The following EDC3 variants were observed in gnomAD, a reference collection of about 807,000 sequenced individuals.
The protein encoded by EDC3 is enhancer of mRNA-decapping protein 3.
In EDC3, 20 loss-of-function variants were observed where a neutral mutation model predicts 41.8. The observed-to-expected ratio is 0.48, with a 90% confidence interval of 0.34 to 0.70. The LOEUF (loss-of-function observed/expected upper bound fraction) is 0.70. Among genes scored for constraint, EDC3 ranks in the 30% least tolerant of loss-of-function variants. EDC3 has a pLI of 0.01. For synonymous variants in EDC3, 206 were observed against 243.2 expected (o/e 0.85, Z 1.42); for missense variants, 444 against 636.8 (o/e 0.70, Z 3.26).
At chr15:74,695,071 G>C (rs773347879) in intron 1 of EDC3, among the ~76,000 whole-genome samples, 8 of 152,108 alleles carry the variant, frequency 5.3e-5, no homozygotes, top group Admixed American at 6.5e-5. Context: ...TGAGACAGCA[G>C]ACTGAAATCG....
At chr15:74,672,272 A>C (rs1016177050) in intron 2 of EDC3, among the ~76,000 whole-genome samples, 2 of 128,944 alleles carry the variant, frequency 1.6e-5, no homozygotes, top group Non-Finnish European at 3.2e-5. Flanking sequence ...CTGTCTCAAA[A>C]AAAAAAAAAA....
In EDC3 at chr15:74,655,783, A is replaced by C. The variant is rs1188251653; in HGVS notation, c.770T>G (p.Val257Gly). 1 of 1,614,134 alleles carries C rather than the reference A, an allele frequency of 6.2e-7. No homozygotes were observed. Among genetic ancestry groups the C allele is most frequent in the Non-Finnish European group, 8.5e-7 (1 of 1,180,020 alleles). Residue 257 changes from valine (V) to glycine (G), a missense_variant, in exon 4 of 7, where the codon GTC becomes GGC. Coordinates refer to ENST00000315127, the MANE Select transcript of EDC3 (RefSeq NM_025083.5). The part of the protein sequence containing the change: ...DENILESEPI[V>G]YRRIIVPHNV... ...GTGGGGCACTATGATCCGTCGATAG[A>C]CAATGGGCTCGGACTCCAAGATGTT...
intron 1 of EDC3, among the ~76,000 whole-genome samples, chr15:74,687,442 T>C (rs2062951888): frequency 6.6e-6 from 1 of 152,184 alleles, no homozygotes; most frequent in Admixed American, 6.5e-5. Flanking sequence ...GGCGCAATCT[T>C]GGCTCACTGC....
intron 4 of EDC3, chr15:74,644,347 T>TC (rs1474148434): frequency 6.6e-6 from 1 of 152,232 alleles, no homozygotes; most frequent in Non-Finnish European, 1.5e-5. Flanking sequence ...TATTCTCTCT[T>TC]CCAATGCTAC....
intron 4 of EDC3, among the ~76,000 whole-genome samples, chr15:74,654,708 A>AT (rs112973958): frequency 4.3e-4 from 62 of 145,214 alleles, no homozygotes; most frequent in Middle Eastern, 3.5e-3. Flanking sequence ...CAGTTGGCCT[A>AT]TTTTTTTTTT....
intron 4 of EDC3, among the ~76,000 whole-genome samples, chr15:74,653,441 G>C (rs2062505652): frequency 6.6e-6 from 1 of 152,172 alleles, no homozygotes; most frequent in Non-Finnish European, 1.5e-5. Flanking sequence ...CTCGAACACA[G>C]AGAAAACCCC....
chr15:74,685,877 T>C (rs1395904362), intron 1 of EDC3, among the ~76,000 whole-genome samples: 1 of 152,124 alleles, frequency 6.6e-6, no homozygotes, highest in East Asian at 1.9e-4. Flanking sequence ...CAAAAAAGCA[T>C]ATAAAGCACC....
rs77798982 is a variant in EDC3 at position 74,655,174 on chromosome 15, A to C, written c.820+559T>G. On this transcript the variant is annotated intron_variant, in intron 4 of 6. Transcript: ENST00000315127. ...ATAATCACTGAGGTAATAGAACTAG[A>C]TTATCATCTACAATGACCTACATAA... Among the ~76,000 whole-genome samples, 707 of 152,346 alleles carry C rather than the reference A, an allele frequency of 4.6e-3. 2 individuals are homozygous for C. The highest frequency in any genetic ancestry group is 0.016 in the African/African-American group (686 of 41,586).
intron 5 of EDC3, chr15:74,638,009 T>G (rs2062295206): frequency 6.6e-6 from 1 of 152,216 alleles, no homozygotes; most frequent in African/African-American, 2.4e-5. Flanking sequence ...ATCCTCCTCT[T>G]TACCGAAAAA....
chr15:74,691,046 A>T (rs186379038), intron 1 of EDC3, among the ~76,000 whole-genome samples: 1 of 152,028 alleles, frequency 6.6e-6, no homozygotes, highest in African/African-American at 2.4e-5. Context: ...AATACAAAAA[A>T]TTAGTCAGAA....
At chr15:74,656,567 A>C (rs2141617007) in intron 3 of EDC3, among the ~76,000 whole-genome samples, 1 of 152,338 alleles carries the variant, frequency 6.6e-6, no homozygotes, top group Non-Finnish European at 1.5e-5. Context: ...CTGACAACTT[A>C]CTATTAGCAA....
intron 1 of EDC3, among the ~76,000 whole-genome samples, chr15:74,679,152 C>A (rs901766018): frequency 6.6e-6 from 1 of 151,888 alleles, no homozygotes; most frequent in Non-Finnish European, 1.5e-5. Context: ...GCCAAGATCG[C>A]GCCACTGCAC....
intron 3 of EDC3, among the ~76,000 whole-genome samples, chr15:74,660,121 A>G (rs1454986532): frequency 6.6e-6 from 1 of 151,972 alleles, no homozygotes; most frequent in East Asian, 1.9e-4. Flanking sequence ...TGGGAGGATC[A>G]CTTGAGCCCA....
At chr15:74,685,032 T>C (rs994558583) in intron 1 of EDC3, among the ~76,000 whole-genome samples, 3 of 152,188 alleles carry the variant, frequency 2.0e-5, no homozygotes, top group Non-Finnish European at 2.9e-5. Context: ...CTCATCGTTA[T>C]TCTCCAACAC....
chr15:74,663,771 T>A (rs1200114484), intron 3 of EDC3, among the ~76,000 whole-genome samples: 1 of 149,146 alleles, frequency 6.7e-6, no homozygotes, highest in Non-Finnish European at 1.5e-5. Flanking sequence ...GCTATTGAAA[T>A]GCAAAGTAGA....
At chr15:74,638,913 A>C (rs559595908) in intron 5 of EDC3, 2 of 151,324 alleles carry the variant, frequency 1.3e-5, no homozygotes, top group African/African-American at 4.9e-5. Context: ...AACAACAACA[A>C]CAACACCCAT....
intron 2 of EDC3, among the ~76,000 whole-genome samples, chr15:74,674,045 A>G (rs1350413257): frequency 6.6e-6 from 1 of 152,150 alleles, no homozygotes; most frequent in Non-Finnish European, 1.5e-5. Flanking sequence ...AAGAAAAACC[A>G]AAGAGGTGAC....
At chr15:74,635,169 G>A (rs1004256546) in intron 6 of EDC3, 1 of 686,146 alleles carries the variant, frequency 1.5e-6, no homozygotes, top group African/African-American at 1.8e-5. Context: ...AAGAGTGCCT[G>A]TTCAACGAAT....
chr15:74,641,151 T>C (rs1158054835), intron 4 of EDC3: 1 of 153,424 alleles, frequency 6.5e-6, no homozygotes, highest in Admixed American at 6.5e-5. Context: ...CCTCTTCCTC[T>C]TCCTTCTCTC....
Sources: allele counts gnomAD v4.1 joint callset (sites outside exome capture counted in the v4.1 genomes callset), GRCh38; gene constraint gnomAD v4.1.1; transcripts MANE v1.5; gene names NCBI Gene and HGNC (gene_info 2026-07-23, HGNC 2026-07-21).